PXDC1: variants seen among roughly 807,000 people sequenced by gnomAD.
The protein encoded by PXDC1 is PX domain-containing protein 1.
A neutral mutation model predicts 24.4 loss-of-function variants in PXDC1; 13 were observed. The observed-to-expected ratio is 0.53, with a 90% CI of 0.35 to 0.85. PXDC1 has a LOEUF of 0.85. Among genes scored for constraint, PXDC1 ranks in the 40% least tolerant of loss-of-function variants. PXDC1 has a pLI of 0.01. For missense variants in PXDC1, 344 were observed against 309.3 expected, an observed-to-expected ratio of 1.11 and a Z score of -0.84; for synonymous variants, 162 against 124.9, an observed-to-expected ratio of 1.30 and a Z score of -1.98.
At chr6:3,730,114 T>C (rs1225555132) in intron 3 of PXDC1, among the ~76,000 whole-genome samples, 1 of 152,196 alleles carries the variant, frequency 6.6e-6, no homozygotes, top group Non-Finnish European at 1.5e-5. Context: ...TGGTGCCTCC[T>C]GCATGGACCT....
At chr6:3,738,662 C>G (rs1376275390) in intron 1 of PXDC1, 1 of 511,566 alleles carries the variant, frequency 2.0e-6, no homozygotes, top group African/African-American at 2.2e-5. Context: ...GGAAAAAAGT[C>G]AGATCTCTGC....
Position 3,737,200 on chromosome 6 carries a change from G to T in PXDC1, c.349-4C>A. On this transcript the variant is annotated splice_polypyrimidine_tract_variant and splice_region_variant and intron_variant, in intron 2 of 4. Transcript: ENST00000380283. This position sits in a 1 kb window ranked among gnomAD's most constrained non-coding sequence, Gnocchi z 5.5. ...GCACAACTTCCGATCTAGAATACTG[G>T]GGAGAAATGCAGGGATTACTAAAAA... The T allele has an allele frequency of 1.3e-6, 2 of 1,581,762 alleles. No homozygotes were observed. The highest frequency in any genetic ancestry group is 1.7e-6 in the Non-Finnish European group (2 of 1,150,494).
intron 1 of PXDC1, among the ~76,000 whole-genome samples, chr6:3,741,545 G>A (rs1760448575): frequency 1.3e-5 from 2 of 152,206 alleles, no homozygotes; most frequent in Non-Finnish European, 2.9e-5. Context: ...TTTCTCCACG[G>A]AGACAGTTCA....
chr6:3,748,435 C>T (rs1760617743), intron 1 of PXDC1, among the ~76,000 whole-genome samples: 1 of 152,102 alleles, frequency 6.6e-6, no homozygotes, highest in South Asian at 2.1e-4. Context: ...CTCACCCAAA[C>T]AGAAGTCCAG....
At chr6:3,733,753 A>G (rs1285328223) in intron 3 of PXDC1, among the ~76,000 whole-genome samples, 1 of 152,148 alleles carries the variant, frequency 6.6e-6, no homozygotes, top group Non-Finnish European at 1.5e-5. Flanking sequence ...ACGCAGCCCC[A>G]GATGTTAGAA....
At position 3,725,182 on chromosome 6, in the gene PXDC1, C is replaced by G. The variant is rs755856424; in HGVS notation, c.579-1446G>C. On this transcript the variant is annotated intron_variant, in intron 4 of 4. Transcript: ENST00000380283. This position sits in a 1 kb window ranked among gnomAD's most constrained non-coding sequence, Gnocchi z 4.8. Reference sequence around the variant, plus strand: ...GGCGTGCCGAAAGGTTCAAGCCAGTCGAGGGACAGAGCCACAGCGCCACCT... The same window carrying G: ...GGCGTGCCGAAAGGTTCAAGCCAGTGGAGGGACAGAGCCACAGCGCCACCT... 2.0e-5 allele frequency among the ~76,000 whole-genome samples: 3 copies of G among 152,100 alleles called. No homozygotes were observed. Among genetic ancestry groups the G allele is most frequent in the Non-Finnish European group, 2.9e-5 (2 of 68,030 alleles).
In PXDC1 at chr6:3,725,888, G is replaced by A. The variant is rs1760054194; in HGVS notation, c.578+1663C>T. On this transcript the variant is annotated intron_variant, in intron 4 of 4. Transcript: ENST00000380283. The surrounding 1 kb of genome is among the most constrained non-coding windows in gnomAD (Gnocchi z 4.8). ...GGCGTTTCTTTGTTAGGCTTTTCTG[G>A]GGTCATGGAGATTTTCTCGGCCCTC... 6.6e-6 allele frequency among the ~76,000 whole-genome samples: 1 copy of A among 152,158 alleles called. No individual in the cohort carries two copies. Among genetic ancestry groups the A allele is most frequent in the Non-Finnish European group, 1.5e-5 (1 of 68,020 alleles).
At chr6:3,730,361 T>C (rs1760168731) in intron 3 of PXDC1, among the ~76,000 whole-genome samples, 1 of 152,194 alleles carries the variant, frequency 6.6e-6, no homozygotes, top group African/African-American at 2.4e-5. Context: ...AAGCAAATTG[T>C]CTTAAAACCT....
chr6:3,722,777 AG>A lies in PXDC1; in HGVS notation c.*841del, dbSNP rs938474622. 2.0e-5 allele frequency: 3 copies of A among 152,662 alleles called. No individual in the cohort carries two copies. The highest frequency in any genetic ancestry group is 7.2e-5 in the African/African-American group (3 of 41,478). The allele number at this position is 152,662 out of a possible 1,614,324, so 9.5% of individuals were successfully genotyped here. A position where few individuals can be genotyped will look rare whatever the true frequency, so the allele number is the denominator to read the frequency against. Reference sequence around the variant, plus strand: ...AGAACGGGGATCCTCTCCTGTGGGCAGGGGAGCCCCAGCTTCCCTCGTGATT... The same window carrying A: ...AGAACGGGGATCCTCTCCTGTGGGCAGGGAGCCCCAGCTTCCCTCGTGATT... On this transcript the variant is annotated 3_prime_UTR_variant, in exon 5 of 5. Transcript: ENST00000380283.
At position 3,737,273 on chromosome 6, in the gene PXDC1, C is replaced by A; in HGVS notation, c.349-77G>T. The A allele has an allele frequency of 1.0e-6, 1 of 981,526 alleles. No individual in the cohort carries two copies. The highest frequency in any genetic ancestry group is 1.6e-6 in the Non-Finnish European group (1 of 616,026). 60.8% of individuals were successfully genotyped at this position (981,526 alleles called of 1,614,324 possible). On this transcript the variant is annotated intron_variant, in intron 2 of 4. Transcript: ENST00000380283. The surrounding 1 kb of genome is among the most constrained non-coding windows in gnomAD (Gnocchi z 5.5). The stretch of plus-strand genomic sequence containing the variant: ...CCTGTCTGTCTACCAAGAGAGGGCC[C>A]CGCTCCTCCGCAGAGGCAGCCTGTG...
chr6:3,739,514 G>C (rs927081809), intron 1 of PXDC1, among the ~76,000 whole-genome samples: 11 of 152,266 alleles, frequency 7.2e-5, no homozygotes, highest in African/African-American at 2.7e-4. Context: ...AAGGGTCCAA[G>C]AGGGGCAGGG....
rs144592771 is a variant in PXDC1 at position 3,728,443 on chromosome 6, T to G, written c.467-781A>C. On this transcript the variant is annotated intron_variant, in intron 3 of 4. Transcript: ENST00000380283. The surrounding 1 kb of genome is among the most constrained non-coding windows in gnomAD (Gnocchi z 4.0). ...GGGTGACTTTCACTGTTTCGCTTTA[T>G]GTAATTCTGTATGTAAATGATTTTT... 2.0e-5 allele frequency among the ~76,000 whole-genome samples: 3 copies of G among 152,342 alleles called. No individual in the cohort carries two copies. Among genetic ancestry groups the G allele is most frequent in the Non-Finnish European group, 4.4e-5 (3 of 68,030 alleles).
At chr6:3,749,695 CTT>C (rs1169547313) in intron 1 of PXDC1, among the ~76,000 whole-genome samples, 1 of 152,050 alleles carries the variant, frequency 6.6e-6, no homozygotes, top group African/African-American at 2.4e-5. Context: ...AGAACCTGCT[CTT>C]GTTAGACCCT....
intron 1 of PXDC1, among the ~76,000 whole-genome samples, chr6:3,746,956 C>T (rs768102135): frequency 1.3e-5 from 2 of 152,118 alleles, no homozygotes; most frequent in Admixed American, 6.5e-5. Flanking sequence ...CCCTGGTACT[C>T]GGATCTCAAA....
chr6:3,723,922 G>A (rs1328946810), intron 4 of PXDC1, among the ~76,000 whole-genome samples, 186 bp from the exon 5 acceptor site: 1 of 152,218 alleles, frequency 6.6e-6, no homozygotes, highest in Non-Finnish European at 1.5e-5. Flanking sequence ...CCACTGCCTT[G>A]GAGACTGCTG....
At chr6:3,744,580 G>C (rs1760523499) in intron 1 of PXDC1, among the ~76,000 whole-genome samples, 1 of 152,238 alleles carries the variant, frequency 6.6e-6, no homozygotes, top group Admixed American at 6.5e-5. Context: ...ACCAGAAAAG[G>C]ACAAGCGTGG....
At position 3,724,972 on chromosome 6, in the gene PXDC1, G is replaced by T. The variant is rs1365035045; in HGVS notation, c.579-1236C>A. ...GGAGTGTGGTGTCAGCCCCCGCCTC[G>T]GCTTCCCTATGCTCACGGTCCTGGC... On this transcript the variant is annotated intron_variant, in intron 4 of 4. Transcript: ENST00000380283. This position sits in a 1 kb window ranked among gnomAD's most constrained non-coding sequence, Gnocchi z 4.5. 6.6e-6 allele frequency among the ~76,000 whole-genome samples: 1 copy of T among 152,104 alleles called. No individual in the cohort carries two copies. The highest frequency in any genetic ancestry group is 1.5e-5 in the Non-Finnish European group (1 of 68,014).
At chr6:3,730,242 A>G (rs1581242589) in intron 3 of PXDC1, among the ~76,000 whole-genome samples, 1 of 152,088 alleles carries the variant, frequency 6.6e-6, no homozygotes, top group South Asian at 2.1e-4. Context: ...CAGCCCCAGA[A>G]CCTCGAAAAA....
chr6:3,740,492 T>A (rs963468398), intron 1 of PXDC1, among the ~76,000 whole-genome samples: 1 of 152,234 alleles, frequency 6.6e-6, no homozygotes, highest in African/African-American at 2.4e-5. Context: ...TTTATCTGCC[T>A]ACGCTATCTT....
Sources: gnomAD v4.1 joint callset for allele counts (sites outside exome capture counted in the v4.1 genomes callset) on GRCh38, gnomAD v4.1.1 for gene constraint, Gnocchi (gnomAD v3.1) non-coding constraint, MANE v1.5 for transcripts, NCBI Gene and HGNC (gene_info 2026-07-23, HGNC 2026-07-21) for gene names.